Variants in ZDHHC17 observed in about 807,000 individuals in gnomAD.
ZDHHC17 encodes palmitoyltransferase ZDHHC17.
ZDHHC17 carries 40 observed loss-of-function variants against 90.3 expected under a neutral mutation model. The ratio of observed to expected loss-of-function variants is 0.44; its 90% confidence interval spans 0.34 to 0.58. ZDHHC17 has a LOEUF of 0.58. Among genes scored for constraint, ZDHHC17 ranks in the 20% least tolerant of loss-of-function variants. ZDHHC17 has a pLI of 0.01. For synonymous variants in ZDHHC17, 235 were observed against 252.4 expected, an observed-to-expected ratio of 0.93 and a Z score of 0.65; for missense variants, 614 against 780.8, an observed-to-expected ratio of 0.79 and a Z score of 2.55.
chr12:76,826,057 G>A (rs551558918), intron 8 of ZDHHC17, among the ~76,000 whole-genome samples: 2 of 152,192 alleles, frequency 1.3e-5, no homozygotes, highest in East Asian at 3.9e-4. Context: ...GGGCTCAAGC[G>A]ATTCTCTCGT....
At chr12:76,775,464 G>A (rs932233907) in intron 1 of ZDHHC17, among the ~76,000 whole-genome samples, 4 of 152,092 alleles carry the variant, frequency 2.6e-5, no homozygotes, top group South Asian at 2.1e-4. Flanking sequence ...TAGCAATACA[G>A]TAACTGATTT....
At chr12:76,800,885 C>CTTTTTTTTTT (rs71085458) in intron 2 of ZDHHC17, among the ~76,000 whole-genome samples, 2 of 108,084 alleles carry the variant, frequency 1.9e-5, no homozygotes, top group East Asian at 3.0e-4. Flanking sequence ...TTTGCCATTT[C>CTTTTTTTTTT]TTTTTTTTTT....
chr12:76,782,108 G>T (rs559481694), intron 1 of ZDHHC17, among the ~76,000 whole-genome samples: 1 of 152,116 alleles, frequency 6.6e-6, no homozygotes, highest in Non-Finnish European at 1.5e-5. Context: ...GATAAAAAAA[G>T]AATTTAATTT....
intron 5 of ZDHHC17, among the ~76,000 whole-genome samples, chr12:76,811,809 A>G (rs1180583472): frequency 6.6e-6 from 1 of 152,156 alleles, no homozygotes; most frequent in Non-Finnish European, 1.5e-5. Context: ...CAGATTAAGC[A>G]TCTGTAATCT....
intron 12 of ZDHHC17, chr12:76,844,639 T>C (rs1953472460): frequency 6.6e-6 from 1 of 152,154 alleles, no homozygotes; most frequent in Non-Finnish European, 1.5e-5. Flanking sequence ...TTCTCCTAAG[T>C]AGATTTAGTC....
At chr12:76,777,864 A>G (rs71460180) in intron 1 of ZDHHC17, among the ~76,000 whole-genome samples, 64 of 152,128 alleles carry the variant, frequency 4.2e-4, no homozygotes, top group Non-Finnish European at 6.3e-4. Context: ...AGGAAGTGAA[A>G]CCAGAATGAA....
intron 1 of ZDHHC17, among the ~76,000 whole-genome samples, chr12:76,791,476 T>C (rs1952758602): frequency 6.6e-6 from 1 of 152,206 alleles, no homozygotes; most frequent in Non-Finnish European, 1.5e-5. Flanking sequence ...AAAGGAGCTT[T>C]ATACGTATGC....
rs773585167 is a variant in ZDHHC17 at position 76,853,217 on chromosome 12, A to G, written c.*2232A>G. 4 of 152,270 alleles carry G rather than the reference A, an allele frequency of 2.6e-5. No homozygotes were observed. The highest frequency in any genetic ancestry group is 2.1e-4 in the South Asian group (1 of 4,832). The allele number at this position is 152,270 out of a possible 1,614,324, so 9.4% of individuals were successfully genotyped here. A position where few individuals can be genotyped will look rare whatever the true frequency, so the allele number is the denominator to read the frequency against. ...CCATCTTGTAGTACCTGTGAAATCT[A>G]TAACTCAGAAATGGTCAGATGGTCA... On this transcript the variant is annotated 3_prime_UTR_variant, in exon 17 of 17. Transcript: ENST00000426126.
At chr12:76,827,640 C>G (rs560569060) in intron 9 of ZDHHC17, among the ~76,000 whole-genome samples, 1 of 152,158 alleles carries the variant, frequency 6.6e-6, no homozygotes, top group South Asian at 2.1e-4. Context: ...CATCTAATTT[C>G]CAGTCCTTTA....
intron 1 of ZDHHC17, among the ~76,000 whole-genome samples, chr12:76,786,630 C>T (rs949458142): frequency 6.6e-6 from 1 of 152,178 alleles, no homozygotes; most frequent in African/African-American, 2.4e-5. Context: ...CGCATGTGGT[C>T]CTTCCCCATC....
At chr12:76,765,761 C>G (rs1318158748) in intron 1 of ZDHHC17, among the ~76,000 whole-genome samples, 1 of 152,222 alleles carries the variant, frequency 6.6e-6, no homozygotes, top group African/African-American at 2.4e-5. Flanking sequence ...AGTGCACTGA[C>G]ACGATGACAG....
chr12:76,812,611 A>G (rs1953038675), intron 5 of ZDHHC17, among the ~76,000 whole-genome samples: 2 of 151,376 alleles, frequency 1.3e-5, no homozygotes, highest in Non-Finnish European at 1.5e-5. Flanking sequence ...CTACATTTTT[A>G]TTACTTGATT....
At chr12:76,846,722 C>T (rs766301931) in intron 14 of ZDHHC17, 43 bp downstream of exon 14, 3 of 1,471,614 alleles carry the variant, frequency 2.0e-6, no homozygotes, top group Non-Finnish European at 2.8e-6. Flanking sequence ...CAAATTTCTG[C>T]ATACTTAGAT....
rs763730411 is a variant in ZDHHC17 at position 76,853,490 on chromosome 12, C to T, written c.*2505C>T. 2 of 152,114 alleles carry T rather than the reference C, an allele frequency of 1.3e-5. No individual in the cohort carries two copies. Among genetic ancestry groups the T allele is most frequent in the Non-Finnish European group, 2.9e-5 (2 of 67,892 alleles). The allele number at this position is 152,114 out of a possible 1,614,324, so 9.4% of individuals were successfully genotyped here. On this transcript the variant is annotated 3_prime_UTR_variant, in exon 17 of 17. Coordinates refer to ENST00000426126, the MANE Select transcript of ZDHHC17 (RefSeq NM_015336.4). ...CAGGAATTTATTTGATATTAATGGG[C>T]GTAAAACAGCATCATTGTACTTAAG... is the stretch of plus-strand genomic sequence containing the variant.
At position 76,852,725 on chromosome 12, in the gene ZDHHC17, A is replaced by G. The variant is rs1050843950; in HGVS notation, c.*1740A>G. The G allele has an allele frequency of 6.6e-6, 1 of 152,618 alleles. No homozygotes were observed. Among genetic ancestry groups the G allele is most frequent in the East Asian group, 1.9e-4 (1 of 5,194 alleles). The allele number at this position is 152,618 out of a possible 1,614,324, so 9.5% of individuals were successfully genotyped here. On this transcript the variant is annotated 3_prime_UTR_variant, in exon 17 of 17. Transcript: ENST00000426126. Reference sequence around the variant, plus strand: ...ACCATAAGTCACACATCAAAAAAAGATTACCCTTAGTGTATGTGTTTTAAT... The same window carrying G: ...ACCATAAGTCACACATCAAAAAAAGGTTACCCTTAGTGTATGTGTTTTAAT...
rs547112771 is a variant in ZDHHC17, at chr12:76,769,327, T to TG, written c.93+5002dup. The TG allele has an allele frequency of 3.3e-4, 53 of 162,774 alleles. No individual in the cohort carries two copies. The East Asian group carries it at 4.5e-3, about 14-fold the overall frequency. 10.1% of individuals were successfully genotyped at this position (162,774 alleles called of 1,614,324 possible). The stretch of plus-strand genomic sequence containing the variant: ...CACCCGCCTCGGCCTCCCAAACTGC[T>TG]GGGGTTACAGGCATGAGCCACCATG... On this transcript the variant is annotated intron_variant, in intron 1 of 16. Transcript: ENST00000426126.
At chr12:76,786,782 A>AG (rs747080905) in intron 1 of ZDHHC17, among the ~76,000 whole-genome samples, 1 of 136,562 alleles carries the variant, frequency 7.3e-6, no homozygotes, top group Non-Finnish European at 1.6e-5. Context: ...GATGGTGGAA[A>AG]GGAAAAAAAA....
rs61663401 is a variant in ZDHHC17 at position 76,788,688 on chromosome 12, A to ATATATTTTT, written c.94-8745_94-8744insATATTTTTT. On this transcript the variant is annotated intron_variant, in intron 1 of 16. Transcript: ENST00000426126. ...AAAATATATTTAAGTTGGAATCGCA[A>ATATATTTTT]TTTTTTTTTTTTTTTTTTTTTTTTT... Among the ~76,000 whole-genome samples the ATATATTTTT allele has an allele frequency of 6.3e-4, 62 of 98,652 alleles. 5 individuals are homozygous for ATATATTTTT. The highest frequency in any genetic ancestry group is 2.4e-3 in the African/African-American group (60 of 25,120). The allele number at this position is 98,652 out of a possible 152,430, so 64.7% of individuals were successfully genotyped here. A position where few individuals can be genotyped will look rare whatever the true frequency, so the allele number is the denominator to read the frequency against.
rs1953584512 is a variant in ZDHHC17 at position 76,853,133 on chromosome 12, A to G, written c.*2148A>G. On this transcript the variant is annotated 3_prime_UTR_variant, in exon 17 of 17. Transcript: ENST00000426126. ...AGAGATGTCATTCAGTTAAAAAGAC[A>G]AACCTCTAGATGTGTAATTACATGG... The G allele has an allele frequency of 6.6e-6, 1 of 152,196 alleles. No individual in the cohort carries two copies. The highest frequency in any genetic ancestry group is 6.5e-5 in the Admixed American group (1 of 15,278). The allele number at this position is 152,196 out of a possible 1,614,324, so 9.4% of individuals were successfully genotyped here. A position where few individuals can be genotyped will look rare whatever the true frequency, so the allele number is the denominator to read the frequency against.
Sources: allele counts gnomAD v4.1 joint callset (sites outside exome capture counted in the v4.1 genomes callset), GRCh38; gene constraint gnomAD v4.1.1; transcripts MANE v1.5; gene names NCBI Gene and HGNC (gene_info 2026-07-23, HGNC 2026-07-21).